Variants in STOX2 observed in about 807,000 individuals in gnomAD.
STOX2 encodes the protein storkhead box 2, also known as storkhead-box protein 2.
In STOX2, 28 loss-of-function variants were observed where a neutral mutation model predicts 60.9. The observed-to-expected ratio is 0.46, with a 90% CI of 0.34 to 0.63. The LOEUF (loss-of-function observed/expected upper bound fraction) is 0.63. Ranked by LOEUF, STOX2 falls within the 30% of genes least tolerant of loss-of-function variation. The pLI is 0.01. For missense variants in STOX2, 1,024 were observed against 1,187.7 expected (o/e 0.86, Z 2.03); for synonymous variants, 472 against 463.9 (o/e 1.02, Z -0.22).
At chr4:183,901,624 G>A (rs1005976407), upstream of STOX2, among the ~76,000 whole-genome samples, 1 of 145,980 alleles carries the variant, frequency 6.9e-6, no homozygotes, top group South Asian at 2.1e-4. Flanking sequence ...GATAGTAGCC[G>A]TCCTAATGGG....
chr4:183,891,365 T>C (rs1295685429), intron 1 of STOX2, among the ~76,000 whole-genome samples: 5 of 5,250 alleles, frequency 9.5e-4, no homozygotes, highest in Non-Finnish European at 1.9e-3. Context: ...AATTTATATA[T>C]ATATATATAT....
In STOX2 at chr4:184,010,230, C is replaced by T; in HGVS notation, c.1392C>T (p.His464=). 1 of 1,557,606 alleles carries T rather than the reference C, an allele frequency of 6.4e-7. No homozygotes were observed. The highest frequency in any genetic ancestry group is 8.7e-7 in the Non-Finnish European group (1 of 1,150,630). ...PFPEPSRGSS[H]SKVHRSHSHT... is the part of the protein sequence containing the mutation. ...CTGAACCTTCTAGGGGAAGCTCCCACTCAAAAGTGCACCGAAGCCACAGCC... is the reference window on the plus strand; with the variant it reads ...CTGAACCTTCTAGGGGAAGCTCCCATTCAAAAGTGCACCGAAGCCACAGCC... The change falls in exon 3 of 4, where the codon CAC becomes CAT. Residue 464 remains histidine (H), a synonymous_variant. Transcript: ENST00000308497. This position sits in a 1 kb window ranked among gnomAD's most constrained non-coding sequence, Gnocchi z 4.5.
intron 1 of STOX2, among the ~76,000 whole-genome samples, chr4:183,954,802 G>A (rs987664760): frequency 1.3e-5 from 2 of 151,948 alleles, no homozygotes; most frequent in South Asian, 2.1e-4. Flanking sequence ...GCAGTGGTGC[G>A]ATCTCGGCTC....
In STOX2 at chr4:184,001,496, AG is replaced by A; in HGVS notation, c.319+20del. ...TTCCCAGGTAACGAGGCGGGAACGT[AG>A]CACTTTCCAGGTGGCGGTGTGCTGT... On this transcript the variant is annotated intron_variant, in intron 2 of 3. Transcript: ENST00000308497. The surrounding 1 kb of genome is among the most constrained non-coding windows in gnomAD (Gnocchi z 4.2). 6.2e-7 allele frequency: 1 copy of A among 1,612,518 alleles called. No individual in the cohort carries two copies. Among genetic ancestry groups the A allele is most frequent in the South Asian group, 1.1e-5 (1 of 90,886 alleles).
rs1162654388 is a variant in STOX2, at chr4:183,865,934, A to G, written c.364+67879A>G. The stretch of plus-strand genomic sequence containing the variant: ...GCTGATGAGTGGCGTGATAAAGATT[A>G]GGCTTTAGGAAAAATGGAAGACGGA... On this transcript the variant is annotated intron_variant, in intron 1 of 2. Coordinates refer to the STOX2 transcript ENST00000513034. The surrounding 1 kb of genome is among the most constrained non-coding windows in gnomAD (Gnocchi z 4.1). Among the ~76,000 whole-genome samples the G allele has an allele frequency of 6.6e-6, 1 of 152,194 alleles. No homozygotes were observed. The highest frequency in any genetic ancestry group is 1.5e-5 in the Non-Finnish European group (1 of 68,036).
At chr4:183,977,085 T>C (rs1349072616) in intron 1 of STOX2, among the ~76,000 whole-genome samples, 2 of 152,194 alleles carry the variant, frequency 1.3e-5, no homozygotes, top group African/African-American at 4.8e-5. Context: ...TTGTATTAAA[T>C]GGATATATTG....
At chr4:183,913,569 G>A (rs957226890) in intron 1 of STOX2, among the ~76,000 whole-genome samples, 1 of 152,106 alleles carries the variant, frequency 6.6e-6, no homozygotes, top group Non-Finnish European at 1.5e-5. Flanking sequence ...CCAAGAGTTC[G>A]AGACCAGCCT....
chr4:183,987,220 C>G (rs927341016), intron 1 of STOX2, among the ~76,000 whole-genome samples: 1 of 152,170 alleles, frequency 6.6e-6, no homozygotes, highest in African/African-American at 2.4e-5. Context: ...GGCTGCTCTA[C>G]TCCTTCCATT....
At chr4:183,978,945 G>T (rs1732545975) in intron 1 of STOX2, among the ~76,000 whole-genome samples, 1 of 152,102 alleles carries the variant, frequency 6.6e-6, no homozygotes, top group Non-Finnish European at 1.5e-5. Flanking sequence ...CCTCAATTTT[G>T]TATATGTTAA....
intron 2 of STOX2, among the ~76,000 whole-genome samples, chr4:184,008,162 G>A (rs1053544885): frequency 4.6e-5 from 7 of 152,184 alleles, no homozygotes; most frequent in Admixed American, 2.0e-4. Context: ...CCGATTTCAG[G>A]TCAGTCTTCT....
At chr4:183,979,127 A>T (rs1403657925) in intron 1 of STOX2, among the ~76,000 whole-genome samples, 1 of 152,192 alleles carries the variant, frequency 6.6e-6, no homozygotes, top group Non-Finnish European at 1.5e-5. Context: ...GCATGGCAGG[A>T]TCTGGTTCTG....
chr4:183,892,805 C>G (rs1741254214), intron 1 of STOX2, among the ~76,000 whole-genome samples: 1 of 151,880 alleles, frequency 6.6e-6, no homozygotes, highest in Non-Finnish European at 1.5e-5. Flanking sequence ...TTTAGGATAT[C>G]ACACGAGCAA....
chr4:183,894,060 G>A (rs947793897), intron 1 of STOX2, among the ~76,000 whole-genome samples: 1 of 152,222 alleles, frequency 6.6e-6, no homozygotes, highest in African/African-American at 2.4e-5. Flanking sequence ...GCTGAGGCAC[G>A]AGGATCACTT....
intron 1 of STOX2, among the ~76,000 whole-genome samples, chr4:183,897,677 G>A (rs900201281): frequency 3.9e-5 from 6 of 152,240 alleles, no homozygotes; most frequent in African/African-American, 1.4e-4. Flanking sequence ...GAAGATGGCA[G>A]TAATACACTT....
At chr4:183,810,982 C>T (rs1405169045) in intron 1 of STOX2, among the ~76,000 whole-genome samples, 1 of 146,806 alleles carries the variant, frequency 6.8e-6, no homozygotes, top group Non-Finnish European at 1.5e-5. Context: ...GACAGCACGT[C>T]GGGGGTGGTG....
Position 183,876,390 on chromosome 4 carries a change from C to A in STOX2, c.364+78335C>A, listed in dbSNP as rs1740829512. On this transcript the variant is annotated intron_variant, in intron 1 of 2. Coordinates refer to the STOX2 transcript ENST00000513034. ...TTTGGGGGAGATGCCAGCTTTGGCT[C>A]AGCCTCCTGGTTGGCTCTGACCAGG... 2.0e-5 allele frequency among the ~76,000 whole-genome samples: 3 copies of A among 152,300 alleles called. 1 individual carries two copies. The South Asian group carries it at 6.2e-4, about 32-fold the overall frequency.
chr4:184,001,485 G>T lies in STOX2; in HGVS notation c.319+8G>T. 1 of 1,613,310 alleles carries T rather than the reference G, an allele frequency of 6.2e-7. No individual in the cohort carries two copies. Among genetic ancestry groups the T allele is most frequent in the Admixed American group, 1.7e-5 (1 of 59,964 alleles). On this transcript the variant is annotated splice_region_variant and intron_variant, in intron 2 of 3. Coordinates refer to ENST00000308497, the MANE Select transcript of STOX2 (RefSeq NM_020225.3). This position sits in a 1 kb window ranked among gnomAD's most constrained non-coding sequence, Gnocchi z 4.2. The stretch of plus-strand genomic sequence containing the variant: ...TGACCACGTGCTTCCCAGGTAACGA[G>T]GCGGGAACGTAGCACTTTCCAGGTG...
intron 1 of STOX2, among the ~76,000 whole-genome samples, chr4:183,917,474 G>A (rs1741964549): frequency 6.6e-6 from 1 of 152,234 alleles, no homozygotes; most frequent in African/African-American, 2.4e-5. Flanking sequence ...TAGATTAGAT[G>A]CTAGAGCTTG....
At chr4:183,868,845 G>A (rs1740630001) in intron 1 of STOX2, among the ~76,000 whole-genome samples, 1 of 152,190 alleles carries the variant, frequency 6.6e-6, no homozygotes, top group African/African-American at 2.4e-5. Flanking sequence ...TCTGTTAAGA[G>A]TAAGCCCTTT....
Sources: gnomAD v4.1 joint callset for allele counts (sites outside exome capture counted in the v4.1 genomes callset) on GRCh38, gnomAD v4.1.1 for gene constraint, Gnocchi (gnomAD v3.1) non-coding constraint, MANE v1.5 for transcripts, NCBI Gene and HGNC (gene_info 2026-07-23, HGNC 2026-07-21) for gene names.